SEC16B: variants seen among roughly 807,000 people sequenced by gnomAD.
SEC16B encodes the protein protein transport protein Sec16B.
Under a neutral mutation model 141.8 loss-of-function variants are expected in SEC16B, and 115 were observed. That is an observed-to-expected ratio of 0.81 (90% CI 0.70 to 0.95). The LOEUF (loss-of-function observed/expected upper bound fraction) is 0.95. SEC16B is among the 40% of genes least tolerant of loss of function. SEC16B has a pLI of 0.00. For missense variants in SEC16B, 1,291 were observed against 1,312.3 expected (o/e 0.98, Z 0.25); for synonymous variants, 493 against 492.5 (o/e 1.00, Z -0.01).
chr1:177,934,765 GCTTATATACTAGGA>G (rs1197686642), intron 20 of SEC16B, among the ~76,000 whole-genome samples: 1 of 152,114 alleles, frequency 6.6e-6, no homozygotes, highest in African/African-American at 2.4e-5. Flanking sequence ...ATAGACAAGG[GCTTATATACTAGGA>G]TGACCAGCAC....
Position 177,932,532 on chromosome 1 carries a change from T to A in SEC16B, c.2970A>T (p.Gly990=). The A allele has an allele frequency of 6.4e-7, 1 of 1,559,820 alleles. No individual in the cohort carries two copies. The change falls in exon 24 of 26, where the codon GGA becomes GGT. Residue 990 remains glycine, a synonymous_variant. Coordinates refer to ENST00000308284, the MANE Select transcript of SEC16B (RefSeq NM_033127.4). ...CTCCAACCCCAGCGCCCGCAGCTGC[T>A]CCCCCGCTGGATGCGGATCCTCGGC... ...GEGRGSASSG[G]AAAGAGVGGL...
chr1:177,933,994 C>T (rs1452788834), intron 20 of SEC16B, among the ~76,000 whole-genome samples: 5 of 150,232 alleles, frequency 3.3e-5, no homozygotes, highest in Non-Finnish European at 7.4e-5. Flanking sequence ...CAAGCTCCCC[C>T]CAAAAAAAAA....
chr1:177,930,443 G>T, intron 25 of SEC16B, 102 bp downstream of exon 25: 1 of 746,512 alleles, frequency 1.3e-6, no homozygotes, highest in Non-Finnish European at 2.2e-6. Flanking sequence ...AATTGCTCAA[G>T]AACTCACATA....
chr1:177,960,771 G>A lies in SEC16B; in HGVS notation c.936+20C>T. Reference sequence around the variant, plus strand: ...GGTAAGCAGTGTGCCAGCATTCCAGGGACACTGGGTCTTCTTTACCTCCAT... The same window carrying A: ...GGTAAGCAGTGTGCCAGCATTCCAGAGACACTGGGTCTTCTTTACCTCCAT... On this transcript the variant is annotated intron_variant, in intron 7 of 25. Transcript: ENST00000308284. 1.3e-6 allele frequency: 2 copies of A among 1,594,904 alleles called. No individual in the cohort carries two copies. Among genetic ancestry groups the A allele is most frequent in the Non-Finnish European group, 1.7e-6 (2 of 1,170,272 alleles).
At chr1:177,974,571 T>C (rs1268012386), upstream of SEC16B, among the ~76,000 whole-genome samples, 1 of 151,578 alleles carries the variant, frequency 6.6e-6, no homozygotes, top group Admixed American at 6.6e-5. Context: ...GTTCTCTGGA[T>C]CACTGGATTT....
chr1:177,981,945 A>G (rs1331626646), intron 1 of SEC16B, among the ~76,000 whole-genome samples: 1 of 152,238 alleles, frequency 6.6e-6, no homozygotes, highest in Non-Finnish European at 1.5e-5. Context: ...TTAAAATCTC[A>G]GATATGAATC....
chr1:177,959,152 C>A, intron 8 of SEC16B, 177 bp from the exon 9 acceptor site: 1 of 704,216 alleles, frequency 1.4e-6, no homozygotes, highest in Non-Finnish European at 2.5e-6. Context: ...TCTTATAGAA[C>A]AAGAAGAAAT....
At chr1:177,936,508 TA>T (rs1363299501) in intron 19 of SEC16B, 143 bp from the exon 20 acceptor site, 1 of 706,566 alleles carries the variant, frequency 1.4e-6, no homozygotes, top group Non-Finnish European at 2.5e-6. Context: ...TCACAGCAAA[TA>T]CAAAGAATGC....
chr1:177,929,677 AC>A lies in SEC16B; in HGVS notation c.*180del, dbSNP rs548086653. 1.0e-3 allele frequency: 629 copies of A among 620,720 alleles called. 2 individuals are homozygous for A. In the African/African-American group the frequency reaches 0.011, roughly 11 times the overall value. 38.5% of individuals were successfully genotyped at this position (620,720 alleles called of 1,614,324 possible). A position where few individuals can be genotyped will look rare whatever the true frequency, so the allele number is the denominator to read the frequency against. The stretch of plus-strand genomic sequence containing the variant: ...ATCATTGTGAAGCTAATCTTAAGAG[AC>A]TGAATTGTGCTGTGTCTTGAGAGAT... On this transcript the variant is annotated 3_prime_UTR_variant, in exon 26 of 26. Transcript: ENST00000308284.
Position 177,939,687 on chromosome 1 carries a change from C to T in SEC16B, c.2203+15G>A. The T allele has an allele frequency of 6.4e-7, 1 of 1,567,330 alleles. No individual in the cohort carries two copies. The highest frequency in any genetic ancestry group is 2.3e-5 in the East Asian group (1 of 43,570). On this transcript the variant is annotated intron_variant, in intron 18 of 25. Transcript: ENST00000308284. ...GCGTCAGCTATGTATATGCTCAGTT[C>T]ATCATTTTGGGTACCTGTTGTTGTT...
In SEC16B at chr1:177,961,639, CG is replaced by C; in HGVS notation, c.737del (p.Pro246ArgfsTer28). ...CTGAAGCTGGGGGATCATCCCGCTCCGGGGCATCTCTGATGTACTGACTGAG... is the reference window on the plus strand; with the variant it reads ...CTGAAGCTGGGGGATCATCCCGCTCCGGGCATCTCTGATGTACTGACTGAG... ...YELSQYIRDAPERDDPPASAA... is the reference protein window; with the variant it reads ...YELSQYIRDAXERDDPPASAA... On this transcript the variant is annotated frameshift_variant, in exon 6 of 26. Coordinates refer to ENST00000308284, the MANE Select transcript of SEC16B (RefSeq NM_033127.4). LOFTEE classifies it high-confidence loss of function. 6.2e-7 allele frequency: 1 copy of C among 1,613,916 alleles called. No homozygotes were observed. Among genetic ancestry groups the C allele is most frequent in the Non-Finnish European group, 8.5e-7 (1 of 1,179,866 alleles).
At chr1:177,956,515 G>C (rs1031585230) in intron 10 of SEC16B, among the ~76,000 whole-genome samples, 2 of 151,952 alleles carry the variant, frequency 1.3e-5, no homozygotes, top group Non-Finnish European at 2.9e-5. Context: ...GGGTGACTAG[G>C]GGGTGGGAGC....
At chr1:177,963,228 T>C (rs10913473) in intron 5 of SEC16B, among the ~76,000 whole-genome samples, 66,256 of 151,854 alleles carry the variant, frequency 0.44, 14,841 homozygotes, top group Non-Finnish European at 0.46. Context: ...CCCTACTCTA[T>C]TAAGCACTAA....
chr1:177,967,457 G>T (rs867283833), intron 2 of SEC16B, among the ~76,000 whole-genome samples: 4 of 152,084 alleles, frequency 2.6e-5, no homozygotes, highest in Non-Finnish European at 5.9e-5. Context: ...ATTTGTGATG[G>T]CTTCTTTAAG....
intron 18 of SEC16B, among the ~76,000 whole-genome samples, chr1:177,938,699 A>G (rs544500351): frequency 6.6e-6 from 1 of 152,250 alleles, no homozygotes; most frequent in African/African-American, 2.4e-5. Context: ...TTACCATCCT[A>G]TCTAACTCCA....
intron 17 of SEC16B, 54 bp from the exon 18 acceptor site, chr1:177,939,831 C>T: frequency 9.6e-6 from 13 of 1,358,560 alleles, no homozygotes; most frequent in Non-Finnish European, 1.2e-5. Context: ...AAAACAAGAA[C>T]AGAGAAACAA....
At chr1:177,930,024 T>G in intron 25 of SEC16B, 95 bp from the exon 26 acceptor site, 1 of 1,218,752 alleles carries the variant, frequency 8.2e-7, no homozygotes, top group Non-Finnish European at 1.2e-6. Context: ...ACCCTGAGCC[T>G]CTGTGTAGAA....
intron 17 of SEC16B, among the ~76,000 whole-genome samples, chr1:177,940,390 T>C (rs142836695): frequency 4.6e-5 from 7 of 151,920 alleles, no homozygotes; most frequent in African/African-American, 1.7e-4. Context: ...CATGCGAACA[T>C]AGGAAAACGC....
At position 177,958,284 on chromosome 1, in the gene SEC16B, C is replaced by A. The variant is rs749904306; in HGVS notation, c.1213G>T (p.Val405Leu). The A allele has an allele frequency of 1.9e-6, 3 of 1,610,664 alleles. No individual in the cohort carries two copies. The Admixed American group carries it at 5.0e-5, about 27-fold the overall frequency. ...TCGGTCAGGTTGATGAGGTTGGCCACAGGGGGCTGCCGCTTGTACTTCTCC... is the reference window on the plus strand; with the variant it reads ...TCGGTCAGGTTGATGAGGTTGGCCAAAGGGGGCTGCCGCTTGTACTTCTCC... ...KLEKYKRQPP[V>L]ANLINLTDED... The change falls in exon 10 of 26, where the codon GTG becomes TTG. Residue 405 changes from valine (V) to leucine (L), a missense_variant. By Grantham distance (32) the Val-to-Leu change is conservative. This residue lies in a region of SEC16B where 681 missense variants were observed against 675.5 expected (regional missense o/e 1.01). Coordinates refer to ENST00000308284, the MANE Select transcript of SEC16B (RefSeq NM_033127.4).
Sources: allele counts gnomAD v4.1 joint callset (sites outside exome capture counted in the v4.1 genomes callset), GRCh38; gene constraint gnomAD v4.1.1; regional missense constraint gnomAD v4.1.1; transcripts MANE v1.5; gene names NCBI Gene and HGNC (gene_info 2026-07-23, HGNC 2026-07-21).